PIK3C3: variants seen among roughly 807,000 people sequenced by gnomAD.
PIK3C3 encodes PI3-kinase type 3.
Under a neutral mutation model 126.1 loss-of-function variants are expected in PIK3C3, and 95 were observed. The observed-to-expected ratio is 0.75, with a 90% confidence interval of 0.64 to 0.89. The LOEUF is 0.89. Ranked by LOEUF, PIK3C3 falls within the 40% of genes least tolerant of loss-of-function variation. The probability of loss-of-function intolerance (pLI) is 0.00; values close to 1 mark genes in which losing one functional copy is unlikely to be tolerated. For missense variants in PIK3C3, 829 were observed against 1,063.2 expected (o/e 0.78, Z 3.06); for synonymous variants, 374 against 360.0 (o/e 1.04, Z -0.44).
At chr18:42,020,733 T>A in intron 13 of PIK3C3, 28 bp downstream of exon 13, 1 of 1,257,726 alleles carries the variant, frequency 8.0e-7, no homozygotes, top group Non-Finnish European at 1.1e-6. Context: ...TCTGTTTATT[T>A]TCTTATTACC....
At chr18:42,007,549 AC>A (rs2144390416) in intron 10 of PIK3C3, among the ~76,000 whole-genome samples, 1 of 152,278 alleles carries the variant, frequency 6.6e-6, no homozygotes, top group East Asian at 1.9e-4. Context: ...TATCAATTTT[AC>A]TAAAATCATA....
intron 2 of PIK3C3, 44 bp from the exon 3 acceptor site, chr18:41,962,445 A>G (rs753182747): frequency 1.5e-6 from 2 of 1,351,132 alleles, no homozygotes; most frequent in Non-Finnish European, 1.9e-6. Context: ...AAAGAAAGAT[A>G]TATATATATG....
chr18:42,037,799 A>G lies in PIK3C3; in HGVS notation c.1947A>G (p.Gln649=). ...TACGTCAAGATCAACTTATTCTTCA[A>G]ATCATTTCACTCATGGACAAGGTGA... ...DDLRQDQLIL[Q]IISLMDKLLR... Residue 649 remains glutamine, a synonymous_variant, in exon 17 of 25, where the codon CAA becomes CAG. Coordinates refer to ENST00000262039, the MANE Select transcript of PIK3C3 (RefSeq NM_002647.4). The G allele has an allele frequency of 1.9e-6, 3 of 1,611,350 alleles. No individual in the cohort carries two copies. Among genetic ancestry groups the G allele is most frequent in the African/African-American group, 2.7e-5 (2 of 74,994 alleles).
chr18:41,962,493 A>T lies in PIK3C3; in HGVS notation c.262A>T (p.Asn88Tyr). The change falls in exon 3 of 25, where the codon AAT becomes TAT. Residue 88 changes from asparagine to tyrosine, a missense_variant. Around this residue, in one of 4 missense-constraint regions of PIK3C3, gnomAD observed 313 missense variants for 340.7 expected, o/e 0.92. Transcript: ENST00000262039. ...YKAFSTRWNWNEWLKLPVKYP... is the reference protein window; with the variant it reads ...YKAFSTRWNWYEWLKLPVKYP... Reference sequence around the variant, plus strand: ...ATGTTAACTTCATTTCCATAGCTGGAATGAATGGCTGAAACTACCAGTAAA... The same window carrying T: ...ATGTTAACTTCATTTCCATAGCTGGTATGAATGGCTGAAACTACCAGTAAA... The T allele has an allele frequency of 6.2e-7, 1 of 1,607,296 alleles. No individual in the cohort carries two copies. The highest frequency in any genetic ancestry group is 8.5e-7 in the Non-Finnish European group (1 of 1,176,118).
chr18:42,040,617 C>CT, intron 18 of PIK3C3, 60 bp from the exon 19 acceptor site: 1 of 1,161,186 alleles, frequency 8.6e-7, no homozygotes, highest in East Asian at 2.4e-5. Context: ...TTAGCAGAAC[C>CT]TTTATTTTTA....
chr18:42,025,863 A>G (rs1321356382), intron 13 of PIK3C3: 1 of 152,206 alleles, frequency 6.6e-6, no homozygotes, highest in African/African-American at 2.4e-5. Context: ...ATTCAACAGT[A>G]ATGTATTAAT....
chr18:42,045,304 C>T (rs1282067721), intron 20 of PIK3C3, among the ~76,000 whole-genome samples: 1 of 152,144 alleles, frequency 6.6e-6, no homozygotes, highest in Non-Finnish European at 1.5e-5. Context: ...CTCTGTGTTT[C>T]TCTCTCTTCC....
At chr18:41,970,849 CTTATGTCTGGAAAT>C in intron 4 of PIK3C3, 1 of 245,456 alleles carries the variant, frequency 4.1e-6, no homozygotes, top group Non-Finnish European at 7.8e-6. Context: ...AGTATGTGAC[CTTATGTCTGGAAAT>C]CTGTCAGGTT....
chr18:42,084,106 T>C lies in PIK3C3; in HGVS notation c.*2969T>C, dbSNP rs1986339765. On this transcript the variant is annotated 3_prime_UTR_variant, in exon 25 of 25. Transcript: ENST00000262039. ...GCCACATATTCATACTTTCCTTGGG[T>C]TGGAAAATAGATCATTCAGTAAAAA... 6.6e-6 allele frequency: 1 copy of C among 152,200 alleles called. No individual in the cohort carries two copies. Among genetic ancestry groups the C allele is most frequent in the African/African-American group, 2.4e-5 (1 of 41,448 alleles). The allele number at this position is 152,200 out of a possible 1,614,324, so 9.4% of individuals were successfully genotyped here. A position where few individuals can be genotyped will look rare whatever the true frequency, so the allele number is the denominator to read the frequency against.
At chr18:42,053,997 A>G (rs1474864443) in intron 21 of PIK3C3, among the ~76,000 whole-genome samples, 1 of 150,898 alleles carries the variant, frequency 6.6e-6, no homozygotes, top group Non-Finnish European at 1.5e-5. Flanking sequence ...TTAGAGTAAT[A>G]CACTTTGAAA....
intron 21 of PIK3C3, among the ~76,000 whole-genome samples, chr18:42,055,836 AAAGAG>A (rs141290195): frequency 0.011 from 1,641 of 152,248 alleles, 28 homozygotes; most frequent in African/African-American, 0.038. Flanking sequence ...AAATACTGTC[AAAGAG>A]AATAGTGTAT....
In PIK3C3 at chr18:42,053,198, C is replaced by G. The variant is rs184178820; in HGVS notation, c.2263+3593C>G. On this transcript the variant is annotated intron_variant, in intron 21 of 24. Coordinates refer to ENST00000262039, the MANE Select transcript of PIK3C3 (RefSeq NM_002647.4). ...ATAGAAAATGATCCAGCTAAGAACT[C>G]TGGGCATGTGAAAGAAAATGATTCG... Among the ~76,000 whole-genome samples, 439 of 152,286 alleles carry G rather than the reference C, an allele frequency of 2.9e-3. 7 individuals are homozygous for G. The highest frequency in any genetic ancestry group is 0.025 in the Admixed American group (377 of 15,282).
intron 4 of PIK3C3, among the ~76,000 whole-genome samples, chr18:41,976,890 C>T (rs1350827051): frequency 6.6e-6 from 1 of 152,192 alleles, no homozygotes; most frequent in Non-Finnish European, 1.5e-5. Context: ...TATTTGGTAA[C>T]TTGCAGAACC....
At position 42,015,088 on chromosome 18, in the gene PIK3C3, G is replaced by A. The variant is rs114698060; in HGVS notation, c.1326-388G>A. Among the ~76,000 whole-genome samples the A allele has an allele frequency of 9.1e-3, 1,377 of 152,022 alleles. 18 individuals carry two copies. Among genetic ancestry groups the A allele is most frequent in the African/African-American group, 0.032 (1,323 of 41,472 alleles). ...ACTAATTTTGTGTGTTTCTTTTTTAGTTCTTTTTTTAAGCTCTGTTATGTT... is the reference window on the plus strand; with the variant it reads ...ACTAATTTTGTGTGTTTCTTTTTTAATTCTTTTTTTAAGCTCTGTTATGTT... On this transcript the variant is annotated intron_variant, in intron 11 of 24. Coordinates refer to ENST00000262039, the MANE Select transcript of PIK3C3 (RefSeq NM_002647.4).
At chr18:42,061,577 A>T (rs1985316834) in intron 22 of PIK3C3, among the ~76,000 whole-genome samples, 1 of 152,034 alleles carries the variant, frequency 6.6e-6, no homozygotes, top group Non-Finnish European at 1.5e-5. Context: ...ACAAGACTCC[A>T]TCTAAAAAAA....
At chr18:41,967,679 G>A (rs528440655) in intron 3 of PIK3C3, among the ~76,000 whole-genome samples, 7 of 152,222 alleles carry the variant, frequency 4.6e-5, no homozygotes, top group South Asian at 2.1e-4. Context: ...ATAATTTGTC[G>A]TCCTTAATTT....
At chr18:42,034,564 G>A (rs934030543) in intron 16 of PIK3C3, among the ~76,000 whole-genome samples, 12 of 152,078 alleles carry the variant, frequency 7.9e-5, no homozygotes, top group East Asian at 1.9e-4. Context: ...ATATTTTCAC[G>A]TGGCAATTCT....
At chr18:42,002,457 G>A (rs1338714842) in intron 9 of PIK3C3, among the ~76,000 whole-genome samples, 2 of 152,108 alleles carry the variant, frequency 1.3e-5, no homozygotes, top group Non-Finnish European at 2.9e-5. Flanking sequence ...TATTGGAAAG[G>A]TTGTCCACAT....
At chr18:42,055,730 G>A (rs75037703) in intron 21 of PIK3C3, among the ~76,000 whole-genome samples, 2,342 of 152,086 alleles carry the variant, frequency 0.015, 49 homozygotes, top group East Asian at 0.12. Flanking sequence ...AAGGAGGAGA[G>A]TAAGAAGAGG....
Sources: gnomAD v4.1 joint callset for allele counts (sites outside exome capture counted in the v4.1 genomes callset) on GRCh38, gnomAD v4.1.1 for gene constraint, gnomAD v4.1.1 regional missense constraint, MANE v1.5 for transcripts, NCBI Gene and HGNC (gene_info 2026-07-23, HGNC 2026-07-21) for gene names.